XYLT1: variants seen among roughly 807,000 people sequenced by gnomAD.
The protein encoded by XYLT1 is beta-D-xylosyltransferase 1.
A neutral mutation model predicts 91.3 loss-of-function variants in XYLT1; 36 were observed. The observed-to-expected ratio is 0.39, with a 90% CI of 0.30 to 0.52. The LOEUF is 0.52. Ranked by LOEUF, XYLT1 falls within the 20% of genes least tolerant of loss-of-function variation. The probability of loss-of-function intolerance (pLI) is 0.68; values close to 1 mark genes in which losing one functional copy is unlikely to be tolerated. For missense variants in XYLT1, 1,242 were observed against 1,284.5 expected (o/e 0.97, Z 0.51); for synonymous variants, 588 against 532.0 (o/e 1.11, Z -1.45).
Position 17,357,126 on chromosome 16 carries a change from G to A in XYLT1, c.402+886C>T, listed in dbSNP as rs959075255. On this transcript the variant is annotated intron_variant, in intron 2 of 11. Coordinates refer to ENST00000261381, the MANE Select transcript of XYLT1 (RefSeq NM_022166.4). ...CGGGAGGCAGAGCTTGCAGTAAGCCGAGATCATGCCACTGCACTCCAGCCT... is the reference window on the plus strand; with the variant it reads ...CGGGAGGCAGAGCTTGCAGTAAGCCAAGATCATGCCACTGCACTCCAGCCT... 4.4e-4 allele frequency among the ~76,000 whole-genome samples: 55 copies of A among 126,224 alleles called. No individual in the cohort carries two copies. In the Admixed American group the frequency reaches 4.6e-3, roughly 10 times the overall value. 82.8% of individuals were successfully genotyped at this position (126,224 alleles called of 152,430 possible).
At chr16:17,340,902 C>A (rs1389912103) in intron 2 of XYLT1, among the ~76,000 whole-genome samples, 1 of 151,988 alleles carries the variant, frequency 6.6e-6, no homozygotes, top group Non-Finnish European at 1.5e-5. Flanking sequence ...TCACAAATAC[C>A]CCATGTAAAA....
At chr16:17,419,433 C>A (rs941295521) in intron 1 of XYLT1, among the ~76,000 whole-genome samples, 1 of 151,984 alleles carries the variant, frequency 6.6e-6, no homozygotes, top group Non-Finnish European at 1.5e-5. Context: ...GCAGTTATAG[C>A]ATGAGCTATA....
At chr16:17,298,497 C>T (rs1367026017) in intron 2 of XYLT1, among the ~76,000 whole-genome samples, 1 of 152,108 alleles carries the variant, frequency 6.6e-6, no homozygotes, top group Admixed American at 6.6e-5. Flanking sequence ...AGAGTTGAAC[C>T]GGGTTGCTTA....
Position 17,312,853 on chromosome 16 carries a change from T to C in XYLT1, c.402+45159A>G, listed in dbSNP as rs978351274. ...TACTTCTCCGGCAAGTTCTGGTAACTAGTGCAAACTCGCTCATGGATCAGA... is the reference window on the plus strand; with the variant it reads ...TACTTCTCCGGCAAGTTCTGGTAACCAGTGCAAACTCGCTCATGGATCAGA... On this transcript the variant is annotated intron_variant, in intron 2 of 11. Transcript: ENST00000261381. The surrounding 1 kb of genome is among the most constrained non-coding windows in gnomAD (Gnocchi z 4.4). Among the ~76,000 whole-genome samples the C allele has an allele frequency of 2.6e-4, 39 of 152,362 alleles. No homozygotes were observed. Among genetic ancestry groups the C allele is most frequent in the African/African-American group, 8.9e-4 (37 of 41,592 alleles).
intron 5 of XYLT1, among the ~76,000 whole-genome samples, chr16:17,191,304 G>A (rs751061037): frequency 6.6e-6 from 1 of 152,152 alleles, no homozygotes; most frequent in Non-Finnish European, 1.5e-5. Flanking sequence ...TGACCTATTC[G>A]GGTTCCACTT....
At chr16:17,367,349 G>A (rs2035468603) in intron 1 of XYLT1, among the ~76,000 whole-genome samples, 1 of 152,194 alleles carries the variant, frequency 6.6e-6, no homozygotes, top group East Asian at 1.9e-4. Context: ...TCTAAAGGTG[G>A]CCACCCAGGC....
At chr16:17,394,073 C>A (rs896425910) in intron 1 of XYLT1, among the ~76,000 whole-genome samples, 29 of 152,106 alleles carry the variant, frequency 1.9e-4, no homozygotes, top group Non-Finnish European at 4.0e-4. Context: ...CCACGCCCGG[C>A]CAATTGATTT....
intron 3 of XYLT1, among the ~76,000 whole-genome samples, chr16:17,244,161 A>G (rs141316163): frequency 0.013 from 1,964 of 152,260 alleles, 22 homozygotes; most frequent in Admixed American, 0.027. Context: ...ATGTTCTCCC[A>G]GGTCCGGGCT....
chr16:17,299,716 T>C (rs1392043646), intron 2 of XYLT1, among the ~76,000 whole-genome samples: 2 of 152,134 alleles, frequency 1.3e-5, no homozygotes, highest in South Asian at 2.1e-4. Context: ...TCATGCTAGA[T>C]TTCCCTAACT....
rs528073640 is a variant in XYLT1, at chr16:17,392,458, C to T, written c.364-34408G>A. On this transcript the variant is annotated intron_variant, in intron 1 of 11. Coordinates refer to ENST00000261381, the MANE Select transcript of XYLT1 (RefSeq NM_022166.4). ...CCATGTATAATATTTGCCATGTTAA[C>T]AGGTTCTACTTTTTTTGGTCTGTTT... 4.8e-4 allele frequency among the ~76,000 whole-genome samples: 73 copies of T among 152,294 alleles called. 2 individuals carry two copies. The South Asian group carries it at 0.014, about 29-fold the overall frequency.
chr16:17,236,825 A>G, intron 3 of XYLT1, among the ~76,000 whole-genome samples: 1 of 152,102 alleles, frequency 6.6e-6, no homozygotes, highest in East Asian at 1.9e-4. Context: ...TCCTCTTTTT[A>G]TACGGACACA....
At position 17,103,159 on chromosome 16, in the gene XYLT1, G is replaced by A. The variant is rs191169971; in HGVS notation, c.*5536C>T. On this transcript the variant is annotated 3_prime_UTR_variant, in exon 12 of 12. Coordinates refer to ENST00000261381, the MANE Select transcript of XYLT1 (RefSeq NM_022166.4). ...AATATTTAGTGCTATCACTTTCCAG[G>A]CAGGAAGGACGAAGAGATAAATGGA... The A allele has an allele frequency of 6.6e-6, 1 of 152,578 alleles. No homozygotes were observed. The highest frequency in any genetic ancestry group is 2.4e-5 in the African/African-American group (1 of 41,440). The allele number at this position is 152,578 out of a possible 1,614,324, so 9.5% of individuals were successfully genotyped here.
At chr16:17,187,418 T>G (rs1319519615) in intron 5 of XYLT1, among the ~76,000 whole-genome samples, 2 of 86,586 alleles carry the variant, frequency 2.3e-5, no homozygotes, top group Non-Finnish European at 4.8e-5. Context: ...AAAAAAAAAA[T>G]TAGCCAGATG....
At chr16:17,351,948 A>C (rs2035227054) in intron 2 of XYLT1, among the ~76,000 whole-genome samples, 1 of 152,150 alleles carries the variant, frequency 6.6e-6, no homozygotes, top group Admixed American at 6.5e-5. Flanking sequence ...GTTCAAGACC[A>C]GTCGGGGCAA....
intron 3 of XYLT1, among the ~76,000 whole-genome samples, chr16:17,208,230 C>T (rs78629968): frequency 3.3e-5 from 5 of 151,338 alleles, no homozygotes; most frequent in Non-Finnish European, 7.4e-5. Context: ...AAGCAATCCT[C>T]CCTTAGCCTC....
intron 2 of XYLT1, among the ~76,000 whole-genome samples, chr16:17,350,264 A>G (rs1165895850): frequency 6.6e-6 from 1 of 152,158 alleles, no homozygotes; most frequent in African/African-American, 2.4e-5. Flanking sequence ...AGAAGGGGGG[A>G]ATGGTGATCT....
Position 17,468,009 on chromosome 16 carries a change from G to A in XYLT1, c.363+2425C>T, listed in dbSNP as rs186188602. 3.9e-3 allele frequency among the ~76,000 whole-genome samples: 592 copies of A among 152,298 alleles called. 7 individuals carry two copies. The highest frequency in any genetic ancestry group is 5.8e-3 in the Non-Finnish European group (394 of 68,024). On this transcript the variant is annotated intron_variant, in intron 1 of 11. Transcript: ENST00000261381. Reference sequence around the variant, plus strand: ...CCAAAGCATCATCCTGGCAGCCTCCGCAGGGTCTGGAAACAAACTGCACAT... The same window carrying A: ...CCAAAGCATCATCCTGGCAGCCTCCACAGGGTCTGGAAACAAACTGCACAT...
chr16:17,191,549 T>C (rs930668246), intron 5 of XYLT1, among the ~76,000 whole-genome samples: 1 of 152,224 alleles, frequency 6.6e-6, no homozygotes, highest in Non-Finnish European at 1.5e-5. Context: ...AGAAGAAATA[T>C]GTGGTAAAGG....
At chr16:17,281,733 G>A (rs2034062041) in intron 2 of XYLT1, among the ~76,000 whole-genome samples, 1 of 152,162 alleles carries the variant, frequency 6.6e-6, no homozygotes, top group Admixed American at 6.5e-5. Flanking sequence ...CACTGGAAAG[G>A]CAATCATTTC....
Sources: allele counts gnomAD v4.1 joint callset (sites outside exome capture counted in the v4.1 genomes callset), GRCh38; gene constraint gnomAD v4.1.1; non-coding constraint Gnocchi (gnomAD v3.1); transcripts MANE v1.5; gene names NCBI Gene and HGNC (gene_info 2026-07-23, HGNC 2026-07-21).